DCLRE1C: variants seen among roughly 807,000 people sequenced by gnomAD.
DCLRE1C encodes protein artemis.
A neutral mutation model predicts 61.4 loss-of-function variants in DCLRE1C; 47 were observed. The ratio of observed to expected loss-of-function variants is 0.77; its 90% CI spans 0.61 to 0.98. The LOEUF (loss-of-function observed/expected upper bound fraction) is 0.98, where lower values mean the gene tolerates loss of function less well. DCLRE1C is among the 50% of genes least tolerant of loss of function. The pLI is 0.00. For missense variants in DCLRE1C, 858 were observed against 816.0 expected (o/e 1.05, Z -0.63); for synonymous variants, 337 against 287.6 (o/e 1.17, Z -1.74).
At chr10:14,931,582 C>T (rs183282953) in intron 9 of DCLRE1C, among the ~76,000 whole-genome samples, 1 of 149,368 alleles carries the variant, frequency 6.7e-6, no homozygotes, top group East Asian at 1.9e-4. Context: ...CAACAAAAAA[C>T]AAAAGAAGAC....
chr10:14,897,735 T>A, exon 14 of DCLRE1C: 1 of 333,500 alleles, frequency 3.0e-6, no homozygotes, highest in South Asian at 1.4e-4. Flanking sequence ...CAAATTGATA[T>A]AGTCATCTTT....
chr10:14,929,295 T>G (rs1199215546), intron 9 of DCLRE1C, among the ~76,000 whole-genome samples: 1 of 151,890 alleles, frequency 6.6e-6, no homozygotes, highest in East Asian at 1.9e-4. Context: ...TCCCAGCTAC[T>G]TGGGAGGCTG....
At chr10:14,937,520 G>A (rs980332382) in intron 4 of DCLRE1C, among the ~76,000 whole-genome samples, 2 of 152,054 alleles carry the variant, frequency 1.3e-5, no homozygotes, top group Non-Finnish European at 2.9e-5. Flanking sequence ...TTGACCTCAA[G>A]TGATACATCT....
At chr10:14,925,226 A>T (rs944324745) in intron 11 of DCLRE1C, among the ~76,000 whole-genome samples, 20 of 73,038 alleles carry the variant, frequency 2.7e-4, no homozygotes, top group South Asian at 8.1e-4. Flanking sequence ...TAAAGGATTT[A>T]AAAAAAAAAA....
intron 13 of DCLRE1C, 99 bp downstream of exon 13, chr10:14,919,639 G>C: frequency 1.1e-6 from 1 of 898,994 alleles, no homozygotes; most frequent in Non-Finnish European, 1.9e-6. Flanking sequence ...TGGGTCCCAG[G>C]TCCACTCTGC....
At position 14,941,459 on chromosome 10, in the gene DCLRE1C, G is replaced by A. The variant is rs561489722; in HGVS notation, c.247-1590C>T. ...TCTACTATACCAGGCTAGTTTTTAA[G>A]GTTTTTTTGTAGACATGGGGTTTTG... is the stretch of plus-strand genomic sequence containing the variant. On this transcript the variant is annotated intron_variant, in intron 3 of 13. Coordinates refer to ENST00000378278, the MANE Select transcript of DCLRE1C (RefSeq NM_001033855.3). Among the ~76,000 whole-genome samples the A allele has an allele frequency of 1.6e-4, 25 of 152,194 alleles. No homozygotes were observed. In the East Asian group the frequency reaches 4.6e-3, roughly 28 times the overall value.
chr10:14,925,820 G>T (rs1350257279), intron 11 of DCLRE1C, among the ~76,000 whole-genome samples: 1 of 152,126 alleles, frequency 6.6e-6, no homozygotes, highest in Non-Finnish European at 1.5e-5. Flanking sequence ...TGGCAAAAAG[G>T]AAACTTTCGA....
intron 2 of DCLRE1C, chr10:14,945,564 G>A: frequency 2.9e-6 from 3 of 1,050,822 alleles, no homozygotes; most frequent in Non-Finnish European, 3.4e-6. Context: ...GATCAGGTGT[G>A]TCTGGAAAGA....
downstream of DCLRE1C, chr10:14,903,676 G>A (rs1188226667): frequency 1.3e-5 from 2 of 152,158 alleles, no homozygotes; most frequent in African/African-American, 2.4e-5. Context: ...GGAGTGGGAG[G>A]CTTCCAACAT....
At chr10:14,918,796 A>C (rs41299740) in intron 13 of DCLRE1C, among the ~76,000 whole-genome samples, 1 of 152,168 alleles carries the variant, frequency 6.6e-6, no homozygotes, top group Non-Finnish European at 1.5e-5. Flanking sequence ...TAGGCTTACT[A>C]TATCAGTCTT....
rs1009155029 is a variant in DCLRE1C at position 14,943,108 on chromosome 10, G to A, written c.246+1997C>T. 1.2e-4 allele frequency among the ~76,000 whole-genome samples: 18 copies of A among 152,212 alleles called. No individual in the cohort carries two copies. The South Asian group carries it at 1.7e-3, about 14-fold the overall frequency. On this transcript the variant is annotated intron_variant, in intron 3 of 13. Transcript: ENST00000378278. ...CGCCTCTGCGCTCCAGCCTGTGACA[G>A]AGTGAGACTATCTCAAAAAAAGGAA...
chr10:14,926,708 A>T, intron 11 of DCLRE1C, 135 bp downstream of exon 11: 3 of 642,004 alleles, frequency 4.7e-6, no homozygotes, highest in East Asian at 3.2e-5. Flanking sequence ...AACTGCATTT[A>T]GGAAAAAAAA....
rs371193897 is a variant in DCLRE1C at position 14,899,466 on chromosome 10, A to T, written c.1157-154T>A. The stretch of plus-strand genomic sequence containing the variant: ...TTTAAATATTTGTAGGTATTCGCAT[A>T]TTAGTAGATAGGTAGATGAATGCTT... On this transcript the variant is annotated intron_variant, in intron 13 of 13. Coordinates refer to the DCLRE1C transcript ENST00000378289. 1.6e-4 allele frequency: 237 copies of T among 1,500,746 alleles called. No individual in the cohort carries two copies. The South Asian group carries it at 2.7e-3, about 17-fold the overall frequency. The allele number at this position is 1,500,746 out of a possible 1,614,324, so 93.0% of individuals were successfully genotyped here.
chr10:14,954,193 T>G (rs531171467), upstream of DCLRE1C: 1 of 962,902 alleles, frequency 1.0e-6, no homozygotes, highest in Non-Finnish European at 1.6e-6. Context: ...GGTCGGGTTC[T>G]AGGCGCCCGC....
At chr10:14,931,828 C>A (rs1475583814) in intron 9 of DCLRE1C, among the ~76,000 whole-genome samples, 2 of 152,166 alleles carry the variant, frequency 1.3e-5, no homozygotes, top group Non-Finnish European at 2.9e-5. Context: ...CACTTGAGAT[C>A]AGGAGTTCAA....
chr10:14,933,263 C>T (rs1266892795), intron 8 of DCLRE1C, among the ~76,000 whole-genome samples: 3 of 152,214 alleles, frequency 2.0e-5, no homozygotes, highest in Admixed American at 6.5e-5. Context: ...TAATATTCCT[C>T]GTACACCTAC....
chr10:14,899,825 TGTTAA>T (rs1564345379), downstream of DCLRE1C: 1 of 1,018,022 alleles, frequency 9.8e-7, no homozygotes, highest in Non-Finnish European at 1.4e-6. Context: ...GGGCAGCTTC[TGTTAA>T]GTTATGGTAT....
intron 3 of DCLRE1C, among the ~76,000 whole-genome samples, chr10:14,942,647 G>A (rs2259320): frequency 0.014 from 2,062 of 152,244 alleles, 41 homozygotes; most frequent in African/African-American, 0.046. Flanking sequence ...CCCTGAGCTG[G>A]GGACAGAAGT....
intron 5 of DCLRE1C, among the ~76,000 whole-genome samples, chr10:14,936,016 C>T (rs1271743392): frequency 1.3e-5 from 2 of 152,154 alleles, no homozygotes; most frequent in African/African-American, 2.4e-5. Flanking sequence ...TCAAGCAATT[C>T]CCCAGTAGCT....
Sources: gnomAD v4.1 joint callset for allele counts (sites outside exome capture counted in the v4.1 genomes callset) on GRCh38, gnomAD v4.1.1 for gene constraint, MANE v1.5 for transcripts, NCBI Gene and HGNC (gene_info 2026-07-23, HGNC 2026-07-21) for gene names.